Variants in SRGAP3 observed in about 807,000 individuals in gnomAD.
SRGAP3 encodes the protein SLIT-ROBO Rho GTPase-activating protein 3.
In SRGAP3, 39 loss-of-function variants were observed where a neutral mutation model predicts 121.1. The observed-to-expected ratio is 0.32, with a 90% CI of 0.25 to 0.42. The LOEUF (loss-of-function observed/expected upper bound fraction) is 0.42, where lower values mean the gene tolerates loss of function less well. Ranked by LOEUF, SRGAP3 falls within the 10% of genes least tolerant of loss-of-function variation. The pLI is 1.00. For missense variants in SRGAP3, 1,213 were observed against 1,470.6 expected (o/e 0.82, Z 2.86); for synonymous variants, 601 against 570.0 (o/e 1.05, Z -0.77).
At chr3:9,333,632 T>TC (rs910031946) in intron 1 of SRGAP3, among the ~76,000 whole-genome samples, 2 of 152,168 alleles carry the variant, frequency 1.3e-5, no homozygotes, top group African/African-American at 2.4e-5. Flanking sequence ...CCTAGCAATT[T>TC]CCCATGTCTT....
intron 18 of SRGAP3, among the ~76,000 whole-genome samples, chr3:9,005,123 G>A (rs1018131359): frequency 6.6e-6 from 1 of 152,072 alleles, no homozygotes; most frequent in African/African-American, 2.4e-5. Flanking sequence ...ATTTAAAAAT[G>A]GGCAAAGGAT....
chr3:8,990,549 C>T lies in SRGAP3; in HGVS notation c.2849G>A (p.Gly950Glu). Residue 950 changes from glycine to glutamate, a missense_variant, in exon 21 of 22, where the codon GGG becomes GAG. By Grantham distance (98) the Gly-to-Glu change is moderately conservative. This residue lies in a region of SRGAP3 where 420 missense variants were observed against 437.7 expected (regional missense o/e 0.96). Coordinates refer to ENST00000383836, the MANE Select transcript of SRGAP3 (RefSeq NM_014850.4). ...TCGSTRHSSL[G>E]DHKSLEAEAL... ...CTCGGCCTCCAGGGACTTGTGGTCC[C>T]CTAGGCTGCTGTGCCTGGTGGAACC... The T allele has an allele frequency of 6.4e-7, 1 of 1,573,766 alleles. No homozygotes were observed. Among genetic ancestry groups the T allele is most frequent in the Non-Finnish European group, 8.6e-7 (1 of 1,159,634 alleles).
intron 21 of SRGAP3, among the ~76,000 whole-genome samples, chr3:8,990,308 C>T (rs184250214): frequency 2.0e-4 from 31 of 152,340 alleles, no homozygotes; most frequent in Middle Eastern, 3.4e-3. Context: ...CAGCCTCTAT[C>T]GGAACCCTAG....
intron 20 of SRGAP3, 36 bp from the exon 21 acceptor site, chr3:8,990,875 G>C: frequency 6.8e-7 from 1 of 1,471,144 alleles, no homozygotes; most frequent in Non-Finnish European, 9.0e-7. Context: ...GCATGGGGCA[G>C]AGGTCAAGCC....
rs143443654 is a variant in SRGAP3, at chr3:9,356,832, A to C, written n.214+6008T>G. 4.6e-3 allele frequency among the ~76,000 whole-genome samples: 699 copies of C among 152,228 alleles called. 4 individuals are homozygous for C. Among genetic ancestry groups the C allele is most frequent in the Middle Eastern group, 0.024 (7 of 292 alleles). ...CTGGGACATGATTTTAGATAGTACA[A>C]AGATAGGCATTAAATAACACCAAAT... On this transcript the variant is annotated intron_variant and non_coding_transcript_variant, in intron 1 of 3. Coordinates refer to the SRGAP3 transcript ENST00000490889.
chr3:9,051,594 G>A (rs1945579968), intron 9 of SRGAP3, among the ~76,000 whole-genome samples: 2 of 151,678 alleles, frequency 1.3e-5, no homozygotes, highest in African/African-American at 4.8e-5. Flanking sequence ...ATGTAGGGAA[G>A]ACAGCTATAA....
intron 3 of SRGAP3, among the ~76,000 whole-genome samples, chr3:9,308,765 T>G (rs1378659428): frequency 6.6e-6 from 1 of 152,186 alleles, no homozygotes; most frequent in Non-Finnish European, 1.5e-5. Flanking sequence ...GGTGATTCCT[T>G]GGCTCTACCA....
chr3:9,073,325 TG>T (rs1238547673), intron 4 of SRGAP3, among the ~76,000 whole-genome samples: 1 of 152,094 alleles, frequency 6.6e-6, no homozygotes, highest in Non-Finnish European at 1.5e-5. Context: ...TTGTATTTTT[TG>T]TAGAGAGAGG....
chr3:9,027,253 C>A (rs1187900480), intron 12 of SRGAP3, among the ~76,000 whole-genome samples: 1 of 152,232 alleles, frequency 6.6e-6, no homozygotes, highest in Non-Finnish European at 1.5e-5. Context: ...GGAACCTGGG[C>A]TCAGGAGGCC....
At chr3:9,335,951 T>C (rs915632408) in intron 1 of SRGAP3, among the ~76,000 whole-genome samples, 1 of 152,174 alleles carries the variant, frequency 6.6e-6, no homozygotes, top group Non-Finnish European at 1.5e-5. Context: ...GGACTTCACT[T>C]GGACCTTGAA....
At chr3:9,301,881 G>A (rs941868312) in intron 3 of SRGAP3, among the ~76,000 whole-genome samples, 1 of 152,192 alleles carries the variant, frequency 6.6e-6, no homozygotes, top group Non-Finnish European at 1.5e-5. Context: ...CACAGGTTTC[G>A]CATACTGCCT....
chr3:9,308,893 G>A (rs555242542), intron 3 of SRGAP3, among the ~76,000 whole-genome samples: 1 of 152,220 alleles, frequency 6.6e-6, no homozygotes, highest in East Asian at 1.9e-4. Flanking sequence ...CTTTCAATGG[G>A]TTTAGAAACC....
intron 15 of SRGAP3, among the ~76,000 whole-genome samples, chr3:9,014,579 C>G (rs1189347015): frequency 6.6e-6 from 1 of 152,216 alleles, no homozygotes; most frequent in Non-Finnish European, 1.5e-5. Flanking sequence ...TCTGGAAACA[C>G]TGGCTGAGCA....
At chr3:9,142,074 G>A (rs1373707419) in intron 1 of SRGAP3, among the ~76,000 whole-genome samples, 1 of 152,180 alleles carries the variant, frequency 6.6e-6, no homozygotes, top group Non-Finnish European at 1.5e-5. Flanking sequence ...GAAAAAACGA[G>A]TTCTGGGTTA....
In SRGAP3 at chr3:9,299,648, G is replaced by A. The variant is rs932503786; in HGVS notation, n.442+26362C>T. Reference sequence around the variant, plus strand: ...GGCTCGGCCAGGTGAGGTGGCTCACGCCTGTAATCCCAGCACTTTGGGAGG... The same window carrying A: ...GGCTCGGCCAGGTGAGGTGGCTCACACCTGTAATCCCAGCACTTTGGGAGG... On this transcript the variant is annotated intron_variant and non_coding_transcript_variant, in intron 3 of 3. Coordinates refer to the SRGAP3 transcript ENST00000490889. Among the ~76,000 whole-genome samples, 24 of 152,124 alleles carry A rather than the reference G, an allele frequency of 1.6e-4. No individual in the cohort carries two copies. In the East Asian group the frequency reaches 3.3e-3, roughly 21 times the overall value.
intron 2 of SRGAP3, among the ~76,000 whole-genome samples, chr3:9,105,674 C>G (rs905825523): frequency 1.3e-5 from 2 of 152,162 alleles, no homozygotes; most frequent in Non-Finnish European, 2.9e-5. Flanking sequence ...GATACTCACT[C>G]AAGTCTGAGA....
At chr3:9,177,721 T>C (rs953971146) in intron 1 of SRGAP3, among the ~76,000 whole-genome samples, 1 of 152,198 alleles carries the variant, frequency 6.6e-6, no homozygotes, top group Admixed American at 6.5e-5. Context: ...CATCAACACT[T>C]GAGTGTTTCT....
intron 1 of SRGAP3, among the ~76,000 whole-genome samples, chr3:9,362,221 A>G (rs531964493): frequency 1.5e-4 from 11 of 73,048 alleles, no homozygotes; most frequent in African/African-American, 8.0e-4. Context: ...ACTGGAGTGC[A>G]GTGGCACAAT....
chr3:9,072,797 T>C (rs907324302), intron 4 of SRGAP3, among the ~76,000 whole-genome samples: 13 of 152,220 alleles, frequency 8.5e-5, no homozygotes, highest in Non-Finnish European at 1.8e-4. Flanking sequence ...ACTGCCAAAC[T>C]GGACACTAGT....
Sources: gnomAD v4.1 joint callset for allele counts (sites outside exome capture counted in the v4.1 genomes callset) on GRCh38, gnomAD v4.1.1 for gene constraint, gnomAD v4.1.1 regional missense constraint, MANE v1.5 for transcripts, NCBI Gene and HGNC (gene_info 2026-07-23, HGNC 2026-07-21) for gene names.